Variants in TGFBR3 observed in about 807,000 individuals in gnomAD.
The protein encoded by TGFBR3 is transforming growth factor beta receptor 3.
Under a neutral mutation model 87.9 loss-of-function variants are expected in TGFBR3, and 46 were observed. The ratio of observed to expected loss-of-function variants is 0.52; its 90% CI spans 0.41 to 0.67. The LOEUF is 0.67. Among genes scored for constraint, TGFBR3 ranks in the 30% least tolerant of loss-of-function variants. The pLI is 0.00. For missense variants in TGFBR3, 866 were observed against 1,041.9 expected, an observed-to-expected ratio of 0.83 and a Z score of 2.32; for synonymous variants, 381 against 391.6, an observed-to-expected ratio of 0.97 and a Z score of 0.32.
At chr1:91,880,261 T>C (rs1439056492) in intron 1 of TGFBR3, among the ~76,000 whole-genome samples, 1 of 152,194 alleles carries the variant, frequency 6.6e-6, no homozygotes, top group African/African-American at 2.4e-5. Flanking sequence ...GTTATGCAAA[T>C]TTCAAAAAAG....
chr1:91,796,454 C>A (rs1675385390), intron 3 of TGFBR3, among the ~76,000 whole-genome samples: 1 of 152,200 alleles, frequency 6.6e-6, no homozygotes, highest in South Asian at 2.1e-4. Context: ...ATCACCATCT[C>A]CGCTAATGTC....
intron 2 of TGFBR3, among the ~76,000 whole-genome samples, chr1:91,835,353 G>T (rs561319844): frequency 2.0e-5 from 3 of 152,342 alleles, no homozygotes; most frequent in Admixed American, 2.0e-4. Context: ...CTACAAGGAA[G>T]AAGTAAGGGC....
At chr1:91,697,058 G>T (rs1671457587) in intron 15 of TGFBR3, among the ~76,000 whole-genome samples, 1 of 152,282 alleles carries the variant, frequency 6.6e-6, no homozygotes, top group South Asian at 2.1e-4. Context: ...TGGAGGAAGA[G>T]GTGGGAAGAG....
chr1:91,884,853 T>C (rs1393909167), intron 1 of TGFBR3, among the ~76,000 whole-genome samples: 1 of 152,246 alleles, frequency 6.6e-6, no homozygotes, highest in African/African-American at 2.4e-5. Flanking sequence ...TTTTACTACC[T>C]GTGGAGACTT....
At chr1:91,809,750 A>G (rs1030891379) in intron 2 of TGFBR3, among the ~76,000 whole-genome samples, 3 of 152,216 alleles carry the variant, frequency 2.0e-5, no homozygotes, top group African/African-American at 7.2e-5. Context: ...GGTCCCAATT[A>G]TAAGACTAAA....
intron 1 of TGFBR3, among the ~76,000 whole-genome samples, chr1:91,904,475 C>CA (rs1377911425): frequency 1.4e-3 from 214 of 151,498 alleles, no homozygotes; most frequent in African/African-American, 5.1e-3. Flanking sequence ...CAGCTCACTG[C>CA]AACCTCTGCC....
chr1:91,822,253 A>G (rs1221701002), intron 2 of TGFBR3, among the ~76,000 whole-genome samples: 1 of 142,926 alleles, frequency 7.0e-6, no homozygotes, highest in Non-Finnish European at 1.5e-5. Context: ...CATTTCCAGT[A>G]TCTCCTAGTG....
chr1:91,732,356 A>G (rs1672805725), intron 5 of TGFBR3, among the ~76,000 whole-genome samples: 1 of 152,138 alleles, frequency 6.6e-6, no homozygotes, highest in Admixed American at 6.5e-5. Context: ...TGATTGAAAC[A>G]CTGACTGCTG....
chr1:91,838,531 G>A (rs796945934), intron 2 of TGFBR3, among the ~76,000 whole-genome samples: 2 of 148,966 alleles, frequency 1.3e-5, no homozygotes, highest in South Asian at 2.1e-4. Context: ...CAAACTCGGC[G>A]CACTGCAAGC....
chr1:91,699,853 G>A (rs1671562378), intron 14 of TGFBR3, among the ~76,000 whole-genome samples: 1 of 152,202 alleles, frequency 6.6e-6, no homozygotes, highest in Non-Finnish European at 1.5e-5. Flanking sequence ...GTAACTATTT[G>A]TGCACAGCTA....
intron 2 of TGFBR3, among the ~76,000 whole-genome samples, chr1:91,844,498 C>T (rs1236501894): frequency 6.6e-6 from 1 of 152,140 alleles, no homozygotes. Context: ...AATGGGTGTA[C>T]CATGTTCATG....
chr1:91,757,160 C>T (rs1673773545), intron 4 of TGFBR3, among the ~76,000 whole-genome samples: 1 of 152,184 alleles, frequency 6.6e-6, no homozygotes, highest in Non-Finnish European at 1.5e-5. Flanking sequence ...GGCTCCCCAG[C>T]CTTTCTCTGT....
At chr1:91,729,732 C>T in intron 6 of TGFBR3, 73 bp downstream of exon 6, 1 of 1,578,546 alleles carries the variant, frequency 6.3e-7, no homozygotes. Flanking sequence ...CGGGCTACAC[C>T]TCTCCCTGCC....
intron 5 of TGFBR3, among the ~76,000 whole-genome samples, chr1:91,731,029 G>A (rs1376782796): frequency 1.3e-5 from 2 of 152,228 alleles, no homozygotes; most frequent in Non-Finnish European, 2.9e-5. Flanking sequence ...TATTTCAACA[G>A]AACTTGAAAG....
chr1:91,716,123 G>T, intron 12 of TGFBR3, 113 bp downstream of exon 12: 1 of 1,288,442 alleles, frequency 7.8e-7, no homozygotes, highest in Non-Finnish European at 1.1e-6. Context: ...CAGACCTGTT[G>T]AAGGTCTGTG....
chr1:91,731,533 T>A (rs972062470), intron 5 of TGFBR3, among the ~76,000 whole-genome samples: 1 of 152,214 alleles, frequency 6.6e-6, no homozygotes, highest in African/African-American at 2.4e-5. Context: ...TTTTGCCAGA[T>A]GAGCAAATGA....
At chr1:91,865,692 C>G (rs1003275260) in intron 1 of TGFBR3, among the ~76,000 whole-genome samples, 2 of 150,590 alleles carry the variant, frequency 1.3e-5, no homozygotes, top group African/African-American at 4.9e-5. Flanking sequence ...GCGGGTGGAT[C>G]ACGAGGTCAG....
chr1:91,812,921 A>C (rs1197638966), intron 2 of TGFBR3, among the ~76,000 whole-genome samples: 1 of 152,060 alleles, frequency 6.6e-6, no homozygotes, highest in Admixed American at 6.6e-5. Flanking sequence ...GCTGCTTTAT[A>C]GTTTTGCCTA....
At chr1:91,823,430 T>C (rs540399857) in intron 2 of TGFBR3, among the ~76,000 whole-genome samples, 7 of 152,342 alleles carry the variant, frequency 4.6e-5, no homozygotes, top group African/African-American at 1.7e-4. Context: ...TAGAGGTTCA[T>C]AGCTACTTAA....
Sources: allele counts gnomAD v4.1 joint callset (sites outside exome capture counted in the v4.1 genomes callset), GRCh38; gene constraint gnomAD v4.1.1; transcripts MANE v1.5; gene names NCBI Gene and HGNC (gene_info 2026-07-23, HGNC 2026-07-21).